The following SERGEF variants were observed in gnomAD, a reference collection of about 807,000 sequenced individuals.
SERGEF encodes secretion regulating guanine nucleotide exchange factor.
A neutral mutation model predicts 50.0 loss-of-function variants in SERGEF; 51 were observed. The observed-to-expected ratio is 1.02, with a 90% CI of 0.81 to 1.29. The LOEUF is 1.29. SERGEF is among the 50% of genes most tolerant of loss of function. SERGEF has a pLI of 0.00. For missense variants in SERGEF, 521 were observed against 557.0 expected, an observed-to-expected ratio of 0.94 and a Z score of 0.65; for synonymous variants, 205 against 212.4, an observed-to-expected ratio of 0.97 and a Z score of 0.30.
intron 10 of SERGEF, among the ~76,000 whole-genome samples, chr11:17,789,972 G>A (rs1849453481): frequency 1.3e-5 from 2 of 152,176 alleles, no homozygotes; most frequent in Admixed American, 1.3e-4. Flanking sequence ...GTGACAGAGC[G>A]AGACTTTGTC....
chr11:18,012,562 T>TG (rs1222643356), intron 1 of SERGEF: 28 of 1,163,506 alleles, frequency 2.4e-5, no homozygotes, highest in Non-Finnish European at 3.0e-5. Context: ...ATCAGGAGTG[T>TG]GGGGGGCACA....
At chr11:18,012,408 A>T in intron 1 of SERGEF, 4 of 830,292 alleles carry the variant, frequency 4.8e-6, no homozygotes, top group Non-Finnish European at 5.8e-6. Context: ...CAGCAGCCCA[A>T]CTCCCCCAAC....
intron 6 of SERGEF, among the ~76,000 whole-genome samples, chr11:17,994,990 C>T (rs549531112): frequency 3.9e-5 from 6 of 151,966 alleles, no homozygotes; most frequent in African/African-American, 9.7e-5. Flanking sequence ...TGGGTAAACT[C>T]GGTCACAAAG....
At chr11:17,917,550 C>G (rs991998501) in intron 9 of SERGEF, among the ~76,000 whole-genome samples, 2 of 151,942 alleles carry the variant, frequency 1.3e-5, no homozygotes, top group African/African-American at 4.8e-5. Context: ...CACCTGTTCC[C>G]CAAAAATCTA....
At chr11:17,943,763 T>C (rs1287105799) in intron 9 of SERGEF, among the ~76,000 whole-genome samples, 2 of 152,264 alleles carry the variant, frequency 1.3e-5, no homozygotes, top group Admixed American at 1.3e-4. Flanking sequence ...CTTTCATTAT[T>C]GTTCGAAGTT....
At chr11:17,895,427 C>A (rs4757600) in intron 9 of SERGEF, among the ~76,000 whole-genome samples, 1 of 152,110 alleles carries the variant, frequency 6.6e-6, no homozygotes, top group African/African-American at 2.4e-5. Flanking sequence ...GCCTGACAGA[C>A]TCTCTTCCTA....
chr11:18,002,569 G>A (rs1409842372), intron 4 of SERGEF, among the ~76,000 whole-genome samples: 2 of 152,116 alleles, frequency 1.3e-5, no homozygotes, highest in Non-Finnish European at 2.9e-5. Context: ...ATCCCAAGAC[G>A]GGTAAACCTC....
At chr11:18,005,234 A>G (rs1183512463) in intron 3 of SERGEF, among the ~76,000 whole-genome samples, 4 of 152,232 alleles carry the variant, frequency 2.6e-5, no homozygotes, top group African/African-American at 4.8e-5. Context: ...TCCAAAACAT[A>G]GGCTCACAAT....
intron 9 of SERGEF, among the ~76,000 whole-genome samples, chr11:17,916,060 T>C (rs1383935017): frequency 1.3e-5 from 2 of 152,206 alleles, no homozygotes; most frequent in African/African-American, 4.8e-5. Flanking sequence ...CCTTTTTTTT[T>C]CCATTTTTCT....
intron 9 of SERGEF, among the ~76,000 whole-genome samples, chr11:17,915,956 T>C (rs560362429): frequency 1.8e-4 from 27 of 152,356 alleles, no homozygotes; most frequent in African/African-American, 6.3e-4. Flanking sequence ...GTGCAGGGAC[T>C]GTTGACGTAG....
chr11:17,998,482 T>TGC (rs1853889857), intron 5 of SERGEF, among the ~76,000 whole-genome samples: 1 of 104,436 alleles, frequency 9.6e-6, no homozygotes, highest in African/African-American at 3.8e-5. Flanking sequence ...TATATATATA[T>TGC]ATATATGCAT....
intron 9 of SERGEF, among the ~76,000 whole-genome samples, chr11:17,946,918 G>A (rs1428777872): frequency 6.6e-6 from 1 of 152,150 alleles, no homozygotes; most frequent in Admixed American, 6.5e-5. Context: ...AGTAGATGGA[G>A]ATGGAGCCCC....
chr11:17,829,930 A>G (rs1850264344), intron 10 of SERGEF, among the ~76,000 whole-genome samples: 1 of 152,218 alleles, frequency 6.6e-6, no homozygotes, highest in Non-Finnish European at 1.5e-5. Context: ...GGAGGAGGAG[A>G]GGAAATTGAT....
intron 5 of SERGEF, among the ~76,000 whole-genome samples, chr11:18,000,068 C>G (rs1305787537): frequency 6.6e-6 from 1 of 152,186 alleles, no homozygotes; most frequent in Admixed American, 6.5e-5. Flanking sequence ...TCATCAGAAC[C>G]ACAATGCAGC....
intron 10 of SERGEF, among the ~76,000 whole-genome samples, chr11:17,844,923 AAAC>A (rs1235511591): frequency 7.1e-5 from 5 of 70,690 alleles, no homozygotes; most frequent in Admixed American, 2.2e-4. Flanking sequence ...CAAAACAAAC[AAAC>A]AAAAAAAACA....
At chr11:17,933,477 C>A (rs565948190) in intron 9 of SERGEF, among the ~76,000 whole-genome samples, 20 of 152,266 alleles carry the variant, frequency 1.3e-4, no homozygotes, top group Admixed American at 3.3e-4. Flanking sequence ...TGGCTTCTAA[C>A]ATGCTCAGTC....
chr11:17,894,337 C>G (rs1249089792), intron 9 of SERGEF, among the ~76,000 whole-genome samples: 1 of 152,164 alleles, frequency 6.6e-6, no homozygotes, highest in African/African-American at 2.4e-5. Context: ...TAAACCTATT[C>G]TAGGTACTTT....
intron 8 of SERGEF, among the ~76,000 whole-genome samples, chr11:17,975,823 T>C (rs1247785742): frequency 2.0e-5 from 3 of 152,162 alleles, no homozygotes; most frequent in Non-Finnish European, 4.4e-5. Context: ...AAGTTCCCAA[T>C]GTCTTATCAT....
chr11:17,935,150 C>T (rs1398501904), intron 9 of SERGEF, among the ~76,000 whole-genome samples: 2 of 151,998 alleles, frequency 1.3e-5, no homozygotes, highest in Admixed American at 1.3e-4. Context: ...TGATGCTCTG[C>T]ATACAATTTT....
Sources: gnomAD v4.1 joint callset for allele counts (sites outside exome capture counted in the v4.1 genomes callset) on GRCh38, gnomAD v4.1.1 for gene constraint, MANE v1.5 for transcripts, NCBI Gene and HGNC (gene_info 2026-07-23, HGNC 2026-07-21) for gene names.